Variants in MYO5B observed in about 807,000 individuals in gnomAD.
The protein encoded by MYO5B is myosin VB, also known as unconventional myosin-Vb.
Under a neutral mutation model 229.3 loss-of-function variants are expected in MYO5B, and 143 were observed. The ratio of observed to expected loss-of-function variants is 0.62; its 90% CI spans 0.54 to 0.72. MYO5B has a LOEUF of 0.72. MYO5B is among the 30% of genes least tolerant of loss of function. MYO5B has a pLI of 0.00. For synonymous variants in MYO5B, 918 were observed against 885.2 expected (o/e 1.04, Z -0.66); for missense variants, 2,321 against 2,331.0 (o/e 1.00, Z 0.09).
chr18:50,038,691 A>C (rs1051395826), intron 3 of MYO5B, among the ~76,000 whole-genome samples: 5 of 152,122 alleles, frequency 3.3e-5, no homozygotes, highest in African/African-American at 1.2e-4. Flanking sequence ...CCATTCAGTC[A>C]CTCTGAACAG....
chr18:49,878,275 T>C (rs577388050), intron 24 of MYO5B, among the ~76,000 whole-genome samples: 22 of 152,318 alleles, frequency 1.4e-4, no homozygotes, highest in Non-Finnish European at 3.1e-4. Flanking sequence ...TCAAATTTTA[T>C]GAAAATAGTA....
intron 18 of MYO5B, among the ~76,000 whole-genome samples, chr18:49,911,349 GT>G (rs1598876651): frequency 6.6e-6 from 1 of 152,218 alleles, no homozygotes; most frequent in African/African-American, 2.4e-5. Context: ...GTTAGAGATA[GT>G]TATAGAAACA....
intron 1 of MYO5B, chr18:50,099,305 T>C (rs979231431): frequency 6.6e-6 from 1 of 152,266 alleles, no homozygotes; most frequent in African/African-American, 2.4e-5. Flanking sequence ...GAAGTAGGTT[T>C]GGACAGGTAG....
intron 1 of MYO5B, among the ~76,000 whole-genome samples, chr18:50,056,005 A>G (rs2030540284): frequency 6.6e-6 from 1 of 152,024 alleles, no homozygotes; most frequent in Admixed American, 6.5e-5. Context: ...GCAGCCTCCA[A>G]CTCCTGTGAT....
chr18:49,903,924 TC>T (rs1466097877), intron 20 of MYO5B, among the ~76,000 whole-genome samples: 1 of 152,202 alleles, frequency 6.6e-6, no homozygotes, highest in African/African-American at 2.4e-5. Flanking sequence ...GGCTTCAAGC[TC>T]CTGATCCGTT....
At chr18:49,831,885 A>C (rs977095994) in intron 39 of MYO5B, among the ~76,000 whole-genome samples, 6 of 152,224 alleles carry the variant, frequency 3.9e-5, no homozygotes, top group African/African-American at 1.2e-4. Context: ...ACAGAATGGG[A>C]TATATAAAGG....
In MYO5B at chr18:49,904,767, G is replaced by C; in HGVS notation, c.2476C>G (p.Gln826Glu). Residue 826 changes from glutamine (Q) to glutamate (E), a missense_variant, in exon 20 of 40, where the codon CAG (glutamine) becomes GAG (glutamate). Around this residue, in one of 2 missense-constraint regions of MYO5B, gnomAD observed 2,113 missense variants for 2,044.7 expected, o/e 1.03. Transcript: ENST00000285039. ...CTCTGGTAGGCCTGGCGGGCCCTCT[G>C]CATGCGGTAATGTTTCTGGAGCACC... Reference protein sequence around the residue: ...AVVLQKHYRMQRARQAYQRVR... With the variant: ...AVVLQKHYRMERARQAYQRVR... 6.2e-7 allele frequency: 1 copy of C among 1,614,000 alleles called. No homozygotes were observed. The highest frequency in any genetic ancestry group is 1.1e-5 in the South Asian group (1 of 91,090).
chr18:49,931,518 C>T (rs1176712453), intron 16 of MYO5B, among the ~76,000 whole-genome samples: 1 of 152,210 alleles, frequency 6.6e-6, no homozygotes, highest in Non-Finnish European at 1.5e-5. Context: ...CTTCATCTTT[C>T]TAACTAGAGT....
chr18:50,028,487 G>C (rs922398081), intron 4 of MYO5B, among the ~76,000 whole-genome samples: 1 of 152,116 alleles, frequency 6.6e-6, no homozygotes, highest in African/African-American at 2.4e-5. Flanking sequence ...GAATGGCAGT[G>C]GGGGGAGCCA....
intron 9 of MYO5B, among the ~76,000 whole-genome samples, chr18:49,978,744 C>CACACAA (rs2025781928): frequency 6.9e-6 from 1 of 144,176 alleles, no homozygotes; most frequent in Non-Finnish European, 1.5e-5. Context: ...CACACACACA[C>CACACAA]AAAATGCTCA....
rs1568615870 is a variant in MYO5B at position 49,864,370 on chromosome 18, A to C, written c.3614T>G (p.Leu1205Arg). The C allele has an allele frequency of 6.2e-7, 1 of 1,613,464 alleles. No homozygotes were observed. The highest frequency in any genetic ancestry group is 8.5e-7 in the Non-Finnish European group (1 of 1,180,024). The change falls in exon 28 of 40, where the codon CTG becomes CGG. Residue 1205 changes from leucine (L) to arginine (R), a missense_variant. Physicochemically the swap from Leu to Arg is moderately radical, Grantham distance 102. Transcript: ENST00000285039. ...CTTCAGCTTTTTGTTCTCTGACTCC[A>C]GCTCTTGCCTCTGGAAGACAGCCCA... is the stretch of plus-strand genomic sequence containing the variant. The part of the protein sequence containing the change: ...LAYNSLKRQE[L>R]ESENKKLKND...
intron 2 of MYO5B, among the ~76,000 whole-genome samples, chr18:50,045,979 A>G (rs896166843): frequency 3.9e-5 from 6 of 152,230 alleles, no homozygotes. Flanking sequence ...TGGTATAATC[A>G]TAAAAACATG....
Position 49,847,129 on chromosome 18 carries a change from GCA to G in MYO5B, c.4459+15_4459+16del, listed in dbSNP as rs1326681883. On this transcript the variant is annotated intron_variant, in intron 33 of 39. Coordinates refer to ENST00000285039, the MANE Select transcript of MYO5B (RefSeq NM_001080467.3). ...AAGGAGGGGCAGGCAGCATAGGGTG[GCA>G]CAGAGGGTCCTTACCTGTCACCAGG... 5.0e-6 allele frequency: 8 copies of G among 1,613,818 alleles called. No individual in the cohort carries two copies. Among genetic ancestry groups the G allele is most frequent in the Non-Finnish European group, 6.8e-6 (8 of 1,179,976 alleles).
chr18:49,987,900 C>T (rs1354761865), intron 7 of MYO5B, among the ~76,000 whole-genome samples: 5 of 152,074 alleles, frequency 3.3e-5, no homozygotes, highest in Non-Finnish European at 1.5e-5. Flanking sequence ...ACAAAAGGGC[C>T]AGGAGATTAT....
intron 1 of MYO5B, among the ~76,000 whole-genome samples, chr18:50,067,497 T>C (rs1262258775): frequency 6.6e-6 from 1 of 152,158 alleles, no homozygotes; most frequent in Non-Finnish European, 1.5e-5. Flanking sequence ...CCAAATCTCA[T>C]GTTGAAATTC....
In MYO5B at chr18:49,962,982, A is replaced by G. The variant is rs370508803; in HGVS notation, c.1371T>C (p.Tyr457=). The part of the protein sequence containing the change: ...VNSFEQFCIN[Y]ANEKLQQQFN... ...ACTGCTGCTGGAGCTTTTCATTTGC[A>G]TAGTTGATACAGAACTGCTCAAAGC... is the stretch of plus-strand genomic sequence containing the variant. The change falls in exon 11 of 40, where the codon TAT becomes TAC. Residue 457 remains tyrosine (Y), a synonymous_variant. Transcript: ENST00000285039. The G allele has an allele frequency of 3.9e-5, 63 of 1,614,012 alleles. No homozygotes were observed. Among genetic ancestry groups the G allele is most frequent in the African/African-American group, 2.3e-4 (17 of 74,898 alleles).
chr18:49,917,642 C>A (rs928398724), intron 17 of MYO5B, among the ~76,000 whole-genome samples: 1 of 152,208 alleles, frequency 6.6e-6, no homozygotes, highest in African/African-American at 2.4e-5. Flanking sequence ...CCTAATCACC[C>A]AATCCTGGCT....
intron 4 of MYO5B, among the ~76,000 whole-genome samples, chr18:50,026,424 A>G (rs1472933208): frequency 2.0e-5 from 3 of 152,252 alleles, no homozygotes; most frequent in Non-Finnish European, 4.4e-5. Flanking sequence ...TTCCATATAT[A>G]ATAAATGCAT....
chr18:50,070,270 C>T (rs749499399), intron 1 of MYO5B, among the ~76,000 whole-genome samples: 6 of 152,036 alleles, frequency 3.9e-5, no homozygotes, highest in Admixed American at 6.6e-5. Context: ...GTGATCCGTA[C>T]GCCTCAGCCT....
Sources: allele counts gnomAD v4.1 joint callset (sites outside exome capture counted in the v4.1 genomes callset), GRCh38; gene constraint gnomAD v4.1.1; regional missense constraint gnomAD v4.1.1; transcripts MANE v1.5; gene names NCBI Gene and HGNC (gene_info 2026-07-23, HGNC 2026-07-21).